Variants in MAP2K1 observed in about 807,000 individuals in gnomAD.
MAP2K1 encodes the protein dual specificity mitogen-activated protein kinase kinase 1.
Under a neutral mutation model 46.3 loss-of-function variants are expected in MAP2K1, and 16 were observed. That is an observed-to-expected ratio of 0.35 (90% CI 0.23 to 0.52). MAP2K1 has a LOEUF of 0.52. Among genes scored for constraint, MAP2K1 ranks in the 20% least tolerant of loss-of-function variants. MAP2K1 has a pLI of 0.94. For synonymous variants in MAP2K1, 183 were observed against 185.6 expected, an observed-to-expected ratio of 0.99 and a Z score of 0.11; for missense variants, 263 against 497.1, an observed-to-expected ratio of 0.53 and a Z score of 4.48.
chr15:66,471,858 C>T (rs549413095), intron 5 of MAP2K1, among the ~76,000 whole-genome samples: 4 of 152,136 alleles, frequency 2.6e-5, no homozygotes, highest in East Asian at 1.9e-4. Flanking sequence ...GCGGGCAGTT[C>T]GTGAGGTCAA....
intron 10 of MAP2K1, 138 bp from the exon 11 acceptor site, chr15:66,490,353 GGCCCCACTGTT>G: frequency 1.3e-6 from 1 of 741,728 alleles, no homozygotes; most frequent in Non-Finnish European, 2.5e-6. Flanking sequence ...GCCTGCAGCT[GGCCCCACTGTT>G]GCTCAGGGGC....
chr15:66,401,543 G>A (rs11071890), intron 1 of MAP2K1, among the ~76,000 whole-genome samples: 205 of 152,212 alleles, frequency 1.3e-3, no homozygotes, highest in Non-Finnish European at 1.5e-3. Flanking sequence ...GCTGCAGGTA[G>A]GTGACTCAAG....
At chr15:66,404,763 T>C (rs1467877920) in intron 1 of MAP2K1, among the ~76,000 whole-genome samples, 1 of 152,048 alleles carries the variant, frequency 6.6e-6, no homozygotes, top group Non-Finnish European at 1.5e-5. Context: ...GGGTGAGAGC[T>C]GGAGGGGACA....
intron 7 of MAP2K1, among the ~76,000 whole-genome samples, chr15:66,486,138 T>C (rs1358050367): frequency 1.3e-5 from 2 of 152,224 alleles, no homozygotes; most frequent in East Asian, 1.9e-4. Flanking sequence ...TGGGCTCAAG[T>C]GATCCTCCTG....
chr15:66,415,375 C>T (rs2093422190), intron 1 of MAP2K1, among the ~76,000 whole-genome samples: 1 of 152,196 alleles, frequency 6.6e-6, no homozygotes, highest in Non-Finnish European at 1.5e-5. Context: ...GGGACAAAGG[C>T]CAGCCAAATT....
intron 3 of MAP2K1, among the ~76,000 whole-genome samples, chr15:66,437,772 A>T (rs1345768386): frequency 6.6e-6 from 1 of 152,166 alleles, no homozygotes; most frequent in African/African-American, 2.4e-5. Context: ...ATCCACTGTT[A>T]TAGGCATCTG....
At chr15:66,406,554 AGTT>A (rs1188849356) in intron 1 of MAP2K1, among the ~76,000 whole-genome samples, 1 of 152,202 alleles carries the variant, frequency 6.6e-6, no homozygotes, top group Non-Finnish European at 1.5e-5. Context: ...GGTTTAGAAA[AGTT>A]GTCTATCAAA....
At position 66,471,773 on chromosome 15, in the gene MAP2K1, T is replaced by C. The variant is rs1186482204; in HGVS notation, c.569-9982T>C. 2.0e-5 allele frequency among the ~76,000 whole-genome samples: 3 copies of C among 152,128 alleles called. No individual in the cohort carries two copies. In the East Asian group the frequency reaches 5.8e-4, roughly 29 times the overall value. ...ATTAGCTCTTATACTTTGATTAAAA[T>C]ATACTTTAAAAAGATGCTGTTAGTG... On this transcript the variant is annotated intron_variant, in intron 5 of 10. Coordinates refer to ENST00000307102, the MANE Select transcript of MAP2K1 (RefSeq NM_002755.4).
rs1207635608 is a variant in MAP2K1 at position 66,490,931 on chromosome 15, C to G, written c.*316C>G. ...GTGGGTAGTCATTCTTACAATTGCACTGCTGTTCCTGCTCCATGACTGGCT... is the reference window on the plus strand; with the variant it reads ...GTGGGTAGTCATTCTTACAATTGCAGTGCTGTTCCTGCTCCATGACTGGCT... On this transcript the variant is annotated 3_prime_UTR_variant, in exon 11 of 11. Coordinates refer to ENST00000307102, the MANE Select transcript of MAP2K1 (RefSeq NM_002755.4). 1.5e-5 allele frequency: 7 copies of G among 463,760 alleles called. No individual in the cohort carries two copies. The highest frequency in any genetic ancestry group is 1.4e-4 in the African/African-American group (7 of 51,436). 28.7% of individuals were successfully genotyped at this position (463,760 alleles called of 1,614,324 possible).
In MAP2K1 at chr15:66,436,814, G is replaced by A. The variant is rs1057519821; in HGVS notation, c.360G>A (p.Glu120=). ...TAAGGGAGCTGCAGGTTCTGCATGAGTGCAACTCTCCGTACATCGTGGGCT... is the reference window on the plus strand; with the variant it reads ...TAAGGGAGCTGCAGGTTCTGCATGAATGCAACTCTCCGTACATCGTGGGCT... ...QIIRELQVLH[E]CNSPYIVGFY... The change falls in exon 3 of 11, where the codon GAG becomes GAA. Residue 120 remains glutamate, a synonymous_variant. Transcript: ENST00000307102. 5 of 1,614,196 alleles carry A rather than the reference G, an allele frequency of 3.1e-6. No homozygotes were observed. Among genetic ancestry groups the A allele is most frequent in the Non-Finnish European group, 2.5e-6 (3 of 1,180,028 alleles).
intron 1 of MAP2K1, among the ~76,000 whole-genome samples, chr15:66,405,843 T>G (rs548715196): frequency 1.2e-4 from 18 of 152,246 alleles, no homozygotes; most frequent in Non-Finnish European, 2.4e-4. Context: ...AGCACTTGGA[T>G]TCCCTCTGGT....
chr15:66,483,939 G>A (rs569308518), intron 6 of MAP2K1, among the ~76,000 whole-genome samples: 3 of 151,724 alleles, frequency 2.0e-5, no homozygotes, highest in Admixed American at 6.6e-5. Flanking sequence ...TAGTAGAGAC[G>A]GGGTTTCACC....
Position 66,459,888 on chromosome 15 carries a change from C to G in MAP2K1, c.568+15181C>G, listed in dbSNP as rs551032681. 4.6e-5 allele frequency among the ~76,000 whole-genome samples: 7 copies of G among 152,324 alleles called. No homozygotes were observed. The South Asian group carries it at 1.4e-3, about 32-fold the overall frequency. On this transcript the variant is annotated intron_variant, in intron 5 of 10. Coordinates refer to ENST00000307102, the MANE Select transcript of MAP2K1 (RefSeq NM_002755.4). ...TGAGTGGTTTCTTCTGCAATTTTTG[C>G]AAGGAACTATGCTGCCTCTGCCAGG...
chr15:66,398,896 C>G (rs1348528512), intron 1 of MAP2K1, among the ~76,000 whole-genome samples: 1 of 151,592 alleles, frequency 6.6e-6, no homozygotes, highest in Non-Finnish European at 1.5e-5. Flanking sequence ...GGCTCAGCCT[C>G]GAAGTGGCTG....
At chr15:66,460,830 G>C (rs79809053) in intron 5 of MAP2K1, among the ~76,000 whole-genome samples, 30,885 of 152,026 alleles carry the variant, frequency 0.2, 3,838 homozygotes, top group Middle Eastern at 0.32. Flanking sequence ...ATGGGAGAGA[G>C]ATGGTGCAAA....
Position 66,387,353 on chromosome 15 carries a change from C to T in MAP2K1, c.6C>T (p.Pro2=), listed in dbSNP as rs377720622. The part of the protein sequence containing the change: M[P]KKKPTPIQLN... ...GCGCGTTACCCGGGTCCAAAATGCC[C>T]AAGAAGAAGCCGACGCCCATCCAGC... is the stretch of plus-strand genomic sequence containing the variant. Residue 2 remains proline, a synonymous_variant, in exon 1 of 11, where the codon CCC becomes CCT. Transcript: ENST00000307102. 625 of 1,562,028 alleles carry T rather than the reference C, an allele frequency of 4.0e-4. 1 individual carries two copies. Among genetic ancestry groups the T allele is most frequent in the Middle Eastern group, 6.7e-4 (4 of 6,000 alleles).
intron 5 of MAP2K1, among the ~76,000 whole-genome samples, chr15:66,475,628 A>G (rs1245967180): frequency 6.6e-6 from 1 of 152,248 alleles, no homozygotes; most frequent in Non-Finnish European, 1.5e-5. Flanking sequence ...TATAGTGGAA[A>G]CACATAGAAG....
chr15:66,484,981 C>G lies in MAP2K1; in HGVS notation c.694-9C>G. The stretch of plus-strand genomic sequence containing the variant: ...GTTAGGTGATTATCACTGTCTGTCT[C>G]TCCTGCAGCCAGAAAGACTCCAGGG... On this transcript the variant is annotated splice_polypyrimidine_tract_variant and intron_variant, in intron 6 of 10. Coordinates refer to ENST00000307102, the MANE Select transcript of MAP2K1 (RefSeq NM_002755.4). 6.2e-7 allele frequency: 1 copy of G among 1,611,338 alleles called. No individual in the cohort carries two copies. Among genetic ancestry groups the G allele is most frequent in the East Asian group, 2.2e-5 (1 of 44,876 alleles).
intron 5 of MAP2K1, among the ~76,000 whole-genome samples, chr15:66,462,413 C>T (rs187748742): frequency 1.4e-5 from 2 of 147,694 alleles, no homozygotes; most frequent in African/African-American, 5.1e-5. Flanking sequence ...GACAGAATTG[C>T]TTGAACCCGG....
Sources: allele counts gnomAD v4.1 joint callset (sites outside exome capture counted in the v4.1 genomes callset), GRCh38; gene constraint gnomAD v4.1.1; transcripts MANE v1.5; gene names NCBI Gene and HGNC (gene_info 2026-07-23, HGNC 2026-07-21).